TOX: variants seen among roughly 807,000 people sequenced by gnomAD.
TOX encodes thymocyte selection associated high mobility group box, also known as thymocyte selection-associated high mobility group box protein TOX.
TOX carries 11 observed loss-of-function variants against 53.7 expected under a neutral mutation model. That is an observed-to-expected ratio of 0.20 (90% CI 0.13 to 0.34). The LOEUF is 0.34. Among genes scored for constraint, TOX ranks in the 10% least tolerant of loss-of-function variants. The pLI is 1.00. For synonymous variants in TOX, 225 were observed against 245.3 expected, an observed-to-expected ratio of 0.92 and a Z score of 0.77; for missense variants, 570 against 664.6, an observed-to-expected ratio of 0.86 and a Z score of 1.56.
chr8:58,815,627 G>T lies in TOX; in HGVS notation c.1103C>A (p.Ala368Asp). 6.2e-7 allele frequency: 1 copy of T among 1,614,160 alleles called. No individual in the cohort carries two copies. The highest frequency in any genetic ancestry group is 8.5e-7 in the Non-Finnish European group (1 of 1,180,022). ...VFHGPSQAHSALYLSSHYHQQ... is the reference protein window; with the variant it reads ...VFHGPSQAHSDLYLSSHYHQQ... ...GTGATAGTGGGAACTTAGGTACAGG[G>T]CCGAGTGGGCCTGGCTGGGCCCATG... The change falls in exon 7 of 9, where the codon GCC becomes GAC. Residue 368 changes from alanine (A) to aspartate (D), a missense_variant. Ala to Asp is a moderately radical substitution (Grantham distance 126, BLOSUM62 -2). Coordinates refer to ENST00000361421, the MANE Select transcript of TOX (RefSeq NM_014729.3).
chr8:58,824,020 A>G (rs1447924855), intron 6 of TOX, among the ~76,000 whole-genome samples: 1 of 152,210 alleles, frequency 6.6e-6, no homozygotes. Flanking sequence ...CTTTTCATGA[A>G]CAAAAATGAC....
intron 4 of TOX, among the ~76,000 whole-genome samples, chr8:58,842,918 C>A (rs1810668713): frequency 6.6e-6 from 1 of 152,172 alleles, no homozygotes; most frequent in Non-Finnish European, 1.5e-5. Flanking sequence ...CAATGTTGCT[C>A]AAAGTTTTGT....
At chr8:58,905,806 G>A (rs146201277) in intron 3 of TOX, among the ~76,000 whole-genome samples, 7 of 152,160 alleles carry the variant, frequency 4.6e-5, no homozygotes, top group South Asian at 2.1e-4. Flanking sequence ...CCAATCATTC[G>A]ACTTTGATCC....
chr8:58,973,920 CTT>C (rs1217629786), intron 1 of TOX, among the ~76,000 whole-genome samples: 1 of 152,064 alleles, frequency 6.6e-6, no homozygotes, highest in African/African-American at 2.4e-5. Context: ...GCCTCAACCT[CTT>C]GAGTAGCTGA....
At chr8:58,982,698 C>T (rs1163355683) in intron 1 of TOX, among the ~76,000 whole-genome samples, 2 of 152,230 alleles carry the variant, frequency 1.3e-5, no homozygotes, top group African/African-American at 2.4e-5. Context: ...TATCATTTAA[C>T]TGATCTCTTC....
chr8:58,816,890 G>C (rs1810189058), intron 6 of TOX, among the ~76,000 whole-genome samples: 1 of 152,096 alleles, frequency 6.6e-6, no homozygotes, highest in African/African-American at 2.4e-5. Context: ...AGGCCGGGTA[G>C]CTTCATTATC....
At chr8:58,935,075 T>C (rs1812320293) in intron 3 of TOX, among the ~76,000 whole-genome samples, 2 of 152,196 alleles carry the variant, frequency 1.3e-5, no homozygotes, top group Non-Finnish European at 2.9e-5. Context: ...TGCTTATAAA[T>C]GGTGAAACTG....
At chr8:59,025,481 C>T (rs1015673839) in intron 1 of TOX, among the ~76,000 whole-genome samples, 3 of 35,356 alleles carry the variant, frequency 8.5e-5, no homozygotes, top group Non-Finnish European at 1.5e-4. Context: ...GCAAAGTTTA[C>T]GTTCTTAGCC....
chr8:58,879,896 C>A (rs909564868), intron 3 of TOX, among the ~76,000 whole-genome samples: 2 of 152,188 alleles, frequency 1.3e-5, no homozygotes, highest in Non-Finnish European at 2.9e-5. Flanking sequence ...TGTCCTTGTA[C>A]TGGTACAACC....
At chr8:58,922,772 A>G (rs1322994921) in intron 3 of TOX, among the ~76,000 whole-genome samples, 2 of 152,160 alleles carry the variant, frequency 1.3e-5, no homozygotes, top group African/African-American at 4.8e-5. Flanking sequence ...GCTGATATTT[A>G]TTCACTTCTT....
At chr8:58,847,639 C>T (rs1432231846) in intron 4 of TOX, among the ~76,000 whole-genome samples, 1 of 151,492 alleles carries the variant, frequency 6.6e-6, no homozygotes, top group Non-Finnish European at 1.5e-5. Flanking sequence ...TGAAAATTTC[C>T]CCAAAATGCT....
chr8:58,909,260 G>A lies in TOX; in HGVS notation c.411+30042C>T, dbSNP rs1811869798. Among the ~76,000 whole-genome samples the A allele has an allele frequency of 2.0e-5, 3 of 152,144 alleles. No individual in the cohort carries two copies. In the South Asian group the frequency reaches 6.2e-4, roughly 32 times the overall value. The stretch of plus-strand genomic sequence containing the variant: ...CAAAATGTGGATCCTGCAATACCTA[G>A]GTGATGGGTTGATAGGTGCAGCAAA... On this transcript the variant is annotated intron_variant, in intron 3 of 8. Transcript: ENST00000361421.
intron 1 of TOX, among the ~76,000 whole-genome samples, chr8:59,013,630 T>TG (rs544303006): frequency 3.3e-5 from 5 of 152,254 alleles, no homozygotes; most frequent in Admixed American, 3.3e-4. Flanking sequence ...AGGCAGGTCT[T>TG]GAACTCCTGG....
intron 3 of TOX, among the ~76,000 whole-genome samples, chr8:58,912,544 A>T (rs1811925925): frequency 6.6e-6 from 1 of 152,250 alleles, no homozygotes; most frequent in Non-Finnish European, 1.5e-5. Flanking sequence ...AAACCTGAGT[A>T]TGTGACAGAA....
At chr8:58,835,953 C>A (rs1456269421) in intron 5 of TOX, among the ~76,000 whole-genome samples, 1 of 152,120 alleles carries the variant, frequency 6.6e-6, no homozygotes, top group South Asian at 2.1e-4. Context: ...TGAGCCTTCA[C>A]GGGGGAATCA....
intron 3 of TOX, among the ~76,000 whole-genome samples, chr8:58,914,204 C>G (rs1157394645): frequency 1.3e-5 from 2 of 152,158 alleles, no homozygotes; most frequent in East Asian, 3.9e-4. Flanking sequence ...TTGGTTTCGT[C>G]CTGCTGCTGG....
intron 5 of TOX, among the ~76,000 whole-genome samples, chr8:58,836,756 T>G (rs899352947): frequency 2.6e-5 from 4 of 152,216 alleles, no homozygotes; most frequent in African/African-American, 4.8e-5. Context: ...AAAAGCATTG[T>G]AAGTTGAGTG....
rs543880583 is a variant in TOX, at chr8:58,989,002, G to A, written c.103-28994C>T. 3.9e-5 allele frequency among the ~76,000 whole-genome samples: 6 copies of A among 152,250 alleles called. No individual in the cohort carries two copies. In the East Asian group the frequency reaches 9.7e-4, roughly 25 times the overall value. On this transcript the variant is annotated intron_variant, in intron 1 of 8. Transcript: ENST00000361421. Reference sequence around the variant, plus strand: ...AAAATTTTTCTCCTCCAAGAACCTGGCAGAGATTATCTCACTATTACAAAA... The same window carrying A: ...AAAATTTTTCTCCTCCAAGAACCTGACAGAGATTATCTCACTATTACAAAA...
intron 2 of TOX, among the ~76,000 whole-genome samples, chr8:58,942,209 T>C (rs1481763719): frequency 6.6e-6 from 1 of 152,186 alleles, no homozygotes; most frequent in East Asian, 1.9e-4. Flanking sequence ...ACCACCACTT[T>C]ACACTCTAGG....
Sources: allele counts gnomAD v4.1 joint callset (sites outside exome capture counted in the v4.1 genomes callset), GRCh38; gene constraint gnomAD v4.1.1; transcripts MANE v1.5; gene names NCBI Gene and HGNC (gene_info 2026-07-23, HGNC 2026-07-21).